DPP6: variants seen among roughly 807,000 people sequenced by gnomAD.
DPP6 encodes A-type potassium channel modulatory protein DPP6.
Under a neutral mutation model 122.6 loss-of-function variants are expected in DPP6, and 69 were observed. The ratio of observed to expected loss-of-function variants is 0.56; its 90% CI spans 0.46 to 0.69. The LOEUF (loss-of-function observed/expected upper bound fraction) is 0.69, where lower values mean the gene tolerates loss of function less well. DPP6 is among the 30% of genes least tolerant of loss of function. The pLI is 0.00. For missense variants in DPP6, 928 were observed against 1,116.9 expected (o/e 0.83, Z 2.41); for synonymous variants, 418 against 433.1 (o/e 0.97, Z 0.43).
intron 7 of DPP6, among the ~76,000 whole-genome samples, chr7:154,686,108 T>G (rs201840991): frequency 6.2e-3 from 1 of 162 alleles, no homozygotes; most frequent in South Asian, 0.5. Flanking sequence ...ACTCAGTGTA[T>G]TACTGTCTCT....
upstream of DPP6, among the ~76,000 whole-genome samples, chr7:153,883,113 G>T (rs1230844985): frequency 2.0e-5 from 3 of 151,990 alleles, no homozygotes; most frequent in African/African-American, 7.2e-5. Context: ...CGAAAATGTT[G>T]ATAAATATAG....
the DPP6 span, among the ~76,000 whole-genome samples, chr7:153,835,451 T>C: frequency 6.6e-6 from 1 of 151,974 alleles, no homozygotes; most frequent in Non-Finnish European, 1.5e-5. Flanking sequence ...AATTCAAGCC[T>C]CCTTTTACCA....
chr7:154,066,231 T>A (rs1156532345), intron 1 of DPP6, among the ~76,000 whole-genome samples: 2 of 152,006 alleles, frequency 1.3e-5, no homozygotes, highest in Non-Finnish European at 2.9e-5. Flanking sequence ...GGCTAATTTT[T>A]GTATTCTTAG....
chr7:153,937,269 T>C (rs1455112876), intron 1 of DPP6, among the ~76,000 whole-genome samples: 1 of 152,188 alleles, frequency 6.6e-6, no homozygotes, highest in African/African-American at 2.4e-5. Flanking sequence ...AAGATTACGC[T>C]GGCTGATGGC....
intron 3 of DPP6, among the ~76,000 whole-genome samples, chr7:154,534,930 A>G (rs553932435): frequency 2.0e-5 from 3 of 152,240 alleles, no homozygotes; most frequent in Middle Eastern, 3.4e-3. Flanking sequence ...AAGTAAAACA[A>G]AGTTTGAGGT....
rs771329138 is a variant in DPP6, at chr7:154,853,818, G to A, written c.1705G>A (p.Asp569Asn). The A allele has an allele frequency of 3.1e-5, 50 of 1,613,680 alleles. No homozygotes were observed. The highest frequency in any genetic ancestry group is 1.5e-4 in the Admixed American group (9 of 59,994). The change falls in exon 17 of 26, where the codon GAT becomes AAT. Residue 569 changes from aspartate to asparagine, a missense_variant. Physicochemically the swap from Asp to Asn is conservative, Grantham distance 23 (BLOSUM62 1). Transcript: ENST00000377770. ...TATGGTGACGGTGCACAACACAACA[G>A]ATAAGAAAAGTAAGTGCTCTTTTTT... ...VPMVTVHNTT[D>N]KKKMFDLETN...
At chr7:154,738,378 C>T (rs1474061405) in intron 8 of DPP6, among the ~76,000 whole-genome samples, 1 of 152,178 alleles carries the variant, frequency 6.6e-6, no homozygotes, top group Non-Finnish European at 1.5e-5. Flanking sequence ...ATTCCCACCA[C>T]CCTCCTAATT....
At chr7:154,598,270 A>G (rs1168133587) in intron 5 of DPP6, among the ~76,000 whole-genome samples, 1 of 152,256 alleles carries the variant, frequency 6.6e-6, no homozygotes, top group African/African-American at 2.4e-5. Context: ...ACCAAGAAAC[A>G]TGGCCAAGTC....
At chr7:154,341,992 G>A (rs1003468957) in intron 1 of DPP6, among the ~76,000 whole-genome samples, 9 of 152,130 alleles carry the variant, frequency 5.9e-5, no homozygotes, top group African/African-American at 1.9e-4. Context: ...GTCAACGATG[G>A]GTCCTTTGGG....
intron 3 of DPP6, among the ~76,000 whole-genome samples, chr7:154,520,331 G>A (rs557109951): frequency 2.3e-4 from 35 of 152,336 alleles, no homozygotes; most frequent in South Asian, 1.5e-3. Context: ...CAAAATGGCT[G>A]CTCTAGCTCC....
intron 1 of DPP6, among the ~76,000 whole-genome samples, chr7:154,384,311 A>G (rs1216940939): frequency 1.3e-5 from 2 of 152,216 alleles, no homozygotes; most frequent in Non-Finnish European, 2.9e-5. Flanking sequence ...AAGTCAAGGC[A>G]TTGTGGCATC....
chr7:154,434,785 C>T (rs1818721398), intron 1 of DPP6, among the ~76,000 whole-genome samples: 1 of 152,074 alleles, frequency 6.6e-6, no homozygotes. Flanking sequence ...GTTGTTGTTG[C>T]TTTTATGTTC....
intron 1 of DPP6, among the ~76,000 whole-genome samples, chr7:153,918,518 A>C (rs1800451168): frequency 1.7e-5 from 1 of 60,502 alleles, no homozygotes; most frequent in African/African-American, 6.1e-5. Context: ...AAGAAGAGGT[A>C]ATTAAAACAC....
intron 3 of DPP6, among the ~76,000 whole-genome samples, chr7:154,524,927 C>T (rs931347784): frequency 1.3e-5 from 2 of 152,154 alleles, no homozygotes; most frequent in African/African-American, 2.4e-5. Flanking sequence ...TTGTGTGCCT[C>T]AGACCTGGAA....
chr7:154,624,909 C>A lies in DPP6; in HGVS notation c.628-12912C>A, dbSNP rs1834969821. Among the ~76,000 whole-genome samples, 1 of 152,180 alleles carries A rather than the reference C, an allele frequency of 6.6e-6. No individual in the cohort carries two copies. The highest frequency in any genetic ancestry group is 1.5e-5 in the Non-Finnish European group (1 of 68,036). On this transcript the variant is annotated intron_variant, in intron 5 of 25. Coordinates refer to ENST00000377770, the MANE Select transcript of DPP6 (RefSeq NM_130797.4). The surrounding 1 kb of genome is among the most constrained non-coding windows in gnomAD (Gnocchi z 4.7). ...GGCTGAGCATATGACCAACATTTTACATTTCAGAGTTGGCTCCCACCTTAA... is the reference window on the plus strand; with the variant it reads ...GGCTGAGCATATGACCAACATTTTAAATTTCAGAGTTGGCTCCCACCTTAA...
At chr7:154,660,963 G>A (rs1239479897) in intron 6 of DPP6, among the ~76,000 whole-genome samples, 1 of 116,792 alleles carries the variant, frequency 8.6e-6, no homozygotes, top group Non-Finnish European at 1.7e-5. Context: ...GAATCACCAT[G>A]GCATATTGGC....
chr7:154,288,012 A>G (rs984415765), intron 1 of DPP6, among the ~76,000 whole-genome samples: 1 of 152,182 alleles, frequency 6.6e-6, no homozygotes, highest in Admixed American at 6.5e-5. Flanking sequence ...CACCCAGAGG[A>G]ATGAGACATA....
chr7:154,636,577 G>C (rs78440532), intron 5 of DPP6, among the ~76,000 whole-genome samples: 1 of 152,158 alleles, frequency 6.6e-6, no homozygotes, highest in Non-Finnish European at 1.5e-5. Flanking sequence ...AAGGGGCCCC[G>C]GGCCGCATAT....
chr7:154,531,038 A>G (rs9640346), intron 3 of DPP6, among the ~76,000 whole-genome samples: 64,733 of 151,880 alleles, frequency 0.43, 14,262 homozygotes, highest in African/African-American at 0.52. Context: ...AAGAATAGCT[A>G]ATGGATGCTG....
Sources: allele counts gnomAD v4.1 joint callset (sites outside exome capture counted in the v4.1 genomes callset), GRCh38; gene constraint gnomAD v4.1.1; non-coding constraint Gnocchi (gnomAD v3.1); transcripts MANE v1.5; gene names NCBI Gene and HGNC (gene_info 2026-07-23, HGNC 2026-07-21).